TP53BP1: variants seen among roughly 807,000 people sequenced by gnomAD.
TP53BP1 encodes tumor protein p53 binding protein 1, also known as TP53-binding protein 1.
In TP53BP1, 61 loss-of-function variants were observed where a neutral mutation model predicts 200.8. The observed-to-expected ratio is 0.30, with a 90% CI of 0.25 to 0.38. TP53BP1 has a LOEUF of 0.38. Among genes scored for constraint, TP53BP1 ranks in the 10% least tolerant of loss-of-function variants. The pLI is 1.00. For synonymous variants in TP53BP1, 822 were observed against 844.3 expected, an observed-to-expected ratio of 0.97 and a Z score of 0.46; for missense variants, 2,144 against 2,371.9, an observed-to-expected ratio of 0.90 and a Z score of 2.00.
chr15:43,456,107 T>C lies in TP53BP1; in HGVS notation c.2501A>G (p.Asp834Gly). 1 of 1,614,210 alleles carries C rather than the reference T, an allele frequency of 6.2e-7. No homozygotes were observed. Among genetic ancestry groups the C allele is most frequent in the Non-Finnish European group, 8.5e-7 (1 of 1,180,042 alleles). Residue 834 changes from aspartate (D) to glycine (G), a missense_variant, in exon 12 of 28, where the codon GAT becomes GGT. Physicochemically the swap from Asp to Gly is moderately conservative, Grantham distance 94. Transcript: ENST00000382044. ...TAAAGGTAAGGAAGGCTGTGAAGAA[T>C]CTTGCTCTACAGGTTCTGTTTCTGC... ...GTAETEPVEQ[D>G]SSQPSLPLVR...
Position 43,447,487 on chromosome 15 carries a change from T to C in TP53BP1, c.2717-2A>G. 2 of 1,293,936 alleles carry C rather than the reference T, an allele frequency of 1.5e-6. No homozygotes were observed. The highest frequency in any genetic ancestry group is 2.0e-6 in the Non-Finnish European group (2 of 1,006,892). The allele number at this position is 1,293,936 out of a possible 1,614,324, so 80.2% of individuals were successfully genotyped here. A position where few individuals can be genotyped will look rare whatever the true frequency, so the allele number is the denominator to read the frequency against. Reference sequence around the variant, plus strand: ...GCAAAGTGAAATGAAATGGGGTTTCTGAAAAAAAAAAAAAAAAGAAAAAAG... The same window carrying C: ...GCAAAGTGAAATGAAATGGGGTTTCCGAAAAAAAAAAAAAAAAGAAAAAAG... On this transcript the variant is annotated splice_acceptor_variant, in intron 12 of 27. Coordinates refer to ENST00000382044, the MANE Select transcript of TP53BP1 (RefSeq NM_001141980.3). LOFTEE classifies it high-confidence loss of function.
intron 12 of TP53BP1, among the ~76,000 whole-genome samples, chr15:43,449,022 G>T (rs1253784055): frequency 6.9e-6 from 1 of 145,552 alleles, no homozygotes; most frequent in East Asian, 2.1e-4. Context: ...AGCTACTCAG[G>T]AGGCTGAGGC....
At chr15:43,424,791 G>A (rs756355006) in intron 18 of TP53BP1, among the ~76,000 whole-genome samples, 2 of 152,166 alleles carry the variant, frequency 1.3e-5, no homozygotes, top group African/African-American at 2.4e-5. Flanking sequence ...GATTAATGGC[G>A]TGCTATGGTT....
At chr15:43,439,861 T>A (rs1225823443) in intron 15 of TP53BP1, among the ~76,000 whole-genome samples, 1 of 152,156 alleles carries the variant, frequency 6.6e-6, no homozygotes, top group Non-Finnish European at 1.5e-5. Context: ...AATAACAACT[T>A]ATTCCTGGCC....
At chr15:43,451,661 T>C (rs2143007667) in intron 12 of TP53BP1, among the ~76,000 whole-genome samples, 1 of 152,336 alleles carries the variant, frequency 6.6e-6, no homozygotes, top group East Asian at 1.9e-4. Flanking sequence ...GCATGTGTTT[T>C]TATAGCAGCA....
chr15:43,419,536 C>CTT (rs34159488), intron 21 of TP53BP1, among the ~76,000 whole-genome samples: 43 of 73,428 alleles, frequency 5.9e-4, no homozygotes, highest in South Asian at 1.0e-3. Context: ...ATTTATGTTC[C>CTT]TTTTTTTTTT....
intron 23 of TP53BP1, among the ~76,000 whole-genome samples, chr15:43,414,467 G>A (rs116485780): frequency 2.0e-5 from 3 of 152,286 alleles, no homozygotes; most frequent in African/African-American, 7.2e-5. Context: ...AAGAAGCTCT[G>A]GTGCCAGGAC....
chr15:43,476,670 C>A (rs1004246661), intron 8 of TP53BP1, among the ~76,000 whole-genome samples: 14 of 152,112 alleles, frequency 9.2e-5, no homozygotes, highest in Non-Finnish European at 1.9e-4. Flanking sequence ...CCTCGGTGAC[C>A]CTCTGAATGT....
At chr15:43,489,494 A>G (rs919820557) in intron 4 of TP53BP1, among the ~76,000 whole-genome samples, 4 of 152,258 alleles carry the variant, frequency 2.6e-5, no homozygotes, top group Non-Finnish European at 5.9e-5. Context: ...TAGATGAGTG[A>G]AGCAGCTGGG....
At chr15:43,446,718 G>C in intron 13 of TP53BP1, 128 bp from the exon 14 acceptor site, 1 of 1,530,894 alleles carries the variant, frequency 6.5e-7, no homozygotes, top group Non-Finnish European at 8.8e-7. Context: ...AGGTTCCTAG[G>C]ATAGATCCCT....
At chr15:43,425,698 T>A (rs1381251086) in intron 18 of TP53BP1, among the ~76,000 whole-genome samples, 1 of 151,750 alleles carries the variant, frequency 6.6e-6, no homozygotes, top group Admixed American at 6.6e-5. Flanking sequence ...AGGCACAGAG[T>A]TTAATGTGGA....
intron 1 of TP53BP1, among the ~76,000 whole-genome samples, chr15:43,508,095 C>A (rs895213710): frequency 2.0e-5 from 3 of 152,198 alleles, no homozygotes; most frequent in Non-Finnish European, 4.4e-5. Flanking sequence ...GGCACGGTGG[C>A]CCATGCCTGT....
chr15:43,406,372 C>T lies in TP53BP1; in HGVS notation c.*1011G>A. 1 of 315,738 alleles carries T rather than the reference C, an allele frequency of 3.2e-6. No individual in the cohort carries two copies. The highest frequency in any genetic ancestry group is 6.3e-6 in the Non-Finnish European group (1 of 159,460). 19.6% of individuals were successfully genotyped at this position (315,738 alleles called of 1,614,324 possible). ...CACTGGGAAGCTCTGACAACTTATT[C>T]CCTGCTATTATCAACTAAAGATCAC... On this transcript the variant is annotated 3_prime_UTR_variant, in exon 28 of 28. Transcript: ENST00000382044.
chr15:43,472,673 G>A (rs1595600599), intron 10 of TP53BP1, among the ~76,000 whole-genome samples: 1 of 152,200 alleles, frequency 6.6e-6, no homozygotes, highest in Admixed American at 6.5e-5. Flanking sequence ...CCAGAAATGT[G>A]TTCACGTGTT....
In TP53BP1 at chr15:43,406,498, C is replaced by A; in HGVS notation, c.*885G>T. ...ACACAGCCATGCCCATTTGTTTACTCATTGTCTATGGTTGCTTTCATGCCC... is the reference window on the plus strand; with the variant it reads ...ACACAGCCATGCCCATTTGTTTACTAATTGTCTATGGTTGCTTTCATGCCC... On this transcript the variant is annotated 3_prime_UTR_variant, in exon 28 of 28. Coordinates refer to ENST00000382044, the MANE Select transcript of TP53BP1 (RefSeq NM_001141980.3). 2.3e-6 allele frequency: 1 copy of A among 428,300 alleles called. No homozygotes were observed. The highest frequency in any genetic ancestry group is 4.7e-6 in the Non-Finnish European group (1 of 214,822). The allele number at this position is 428,300 out of a possible 1,614,324, so 26.5% of individuals were successfully genotyped here. A position where few individuals can be genotyped will look rare whatever the true frequency, so the allele number is the denominator to read the frequency against.
chr15:43,407,729 T>C (rs1284231886), intron 27 of TP53BP1, 159 bp from the exon 28 acceptor site: 7 of 806,252 alleles, frequency 8.7e-6, no homozygotes, highest in South Asian at 5.6e-5. Flanking sequence ...GGCAGAGTTA[T>C]AATCACTATG....
chr15:43,409,779 G>A (rs756501147), intron 24 of TP53BP1, 38 bp from the exon 25 acceptor site: 6 of 1,107,374 alleles, frequency 5.4e-6, no homozygotes, highest in Non-Finnish European at 7.7e-6. Flanking sequence ...TAATTACTGA[G>A]TGGTTTTCTT....
At chr15:43,438,204 G>T in intron 16 of TP53BP1, 120 bp downstream of exon 16, 1 of 755,706 alleles carries the variant, frequency 1.3e-6, no homozygotes, top group Non-Finnish European at 2.2e-6. Flanking sequence ...CTGTTGCACT[G>T]GGGGTTAAGT....
At chr15:43,455,788 C>T (rs2046278886) in intron 12 of TP53BP1, 104 bp downstream of exon 12, 4 of 1,352,658 alleles carry the variant, frequency 3.0e-6, no homozygotes, top group South Asian at 1.4e-5. Context: ...TAAACATAAA[C>T]CAAAGATAGT....
Sources: gnomAD v4.1 joint callset for allele counts (sites outside exome capture counted in the v4.1 genomes callset) on GRCh38, gnomAD v4.1.1 for gene constraint, MANE v1.5 for transcripts, NCBI Gene and HGNC (gene_info 2026-07-23, HGNC 2026-07-21) for gene names.